Variants in SHC4 observed in about 807,000 individuals in gnomAD.
The protein encoded by SHC4 is SHC adaptor protein 4.
In SHC4, 41 loss-of-function variants were observed where a neutral mutation model predicts 69.4. The observed-to-expected ratio is 0.59, with a 90% CI of 0.46 to 0.77. The LOEUF is 0.77. Among genes scored for constraint, SHC4 ranks in the 30% least tolerant of loss-of-function variants. SHC4 has a pLI of 0.00. For missense variants in SHC4, 777 were observed against 783.8 expected, an observed-to-expected ratio of 0.99 and a Z score of 0.10; for synonymous variants, 318 against 299.3, an observed-to-expected ratio of 1.06 and a Z score of -0.64.
rs1057074703 is a variant in SHC4, at chr15:48,930,272, ATAAG to A, written c.586-5327_586-5324del. Among the ~76,000 whole-genome samples, 4 of 152,254 alleles carry A rather than the reference ATAAG, an allele frequency of 2.6e-5. No homozygotes were observed. In the East Asian group the frequency reaches 5.8e-4, roughly 22 times the overall value. Reference sequence around the variant, plus strand: ...AGTGTAAACATATTTATTTTTAAAAATAAGTAGTAGTATTAGTTTAGATTTGAAA... The same window carrying A: ...AGTGTAAACATATTTATTTTTAAAAATAGTAGTATTAGTTTAGATTTGAAA... On this transcript the variant is annotated intron_variant, in intron 1 of 11. Coordinates refer to ENST00000332408, the MANE Select transcript of SHC4 (RefSeq NM_203349.4).
At chr15:48,915,745 A>G (rs1900608012) in intron 2 of SHC4, among the ~76,000 whole-genome samples, 1 of 152,206 alleles carries the variant, frequency 6.6e-6, no homozygotes, top group Non-Finnish European at 1.5e-5. Context: ...TGTTTTAATC[A>G]ACCGTGGGCA....
intron 6 of SHC4, 43 bp downstream of exon 6, chr15:48,867,774 GT>G: frequency 6.5e-7 from 1 of 1,536,992 alleles, no homozygotes; most frequent in Non-Finnish European, 9.0e-7. Flanking sequence ...TTTAGAGTTG[GT>G]ATATACCAGC....
At chr15:48,881,307 A>T (rs1283067126) in intron 4 of SHC4, among the ~76,000 whole-genome samples, 3 of 151,772 alleles carry the variant, frequency 2.0e-5, no homozygotes, top group Non-Finnish European at 4.4e-5. Flanking sequence ...TTATTTTTTT[A>T]AAGTAAAAGA....
rs1428356801 is a variant in SHC4, at chr15:48,962,902, G to A, written c.114C>T (p.Ile38=). Reference sequence around the variant, plus strand: ...CGGAGCTACCTTCGTCCAAGGACGTGATCGACTCGTTCCGAAAGCGGCTGT... The same window carrying A: ...CGGAGCTACCTTCGTCCAAGGACGTAATCGACTCGTTCCGAAAGCGGCTGT... ...AKYSRFRNES[I]TSLDEGSSGG... The change falls in exon 1 of 12, where the codon ATC becomes ATT. Residue 38 remains isoleucine (I), a synonymous_variant. Transcript: ENST00000332408. The A allele has an allele frequency of 3.1e-6, 5 of 1,613,394 alleles. No individual in the cohort carries two copies. The South Asian group carries it at 3.3e-5, about 11-fold the overall frequency.
At chr15:48,957,599 G>C (rs777541961) in intron 1 of SHC4, among the ~76,000 whole-genome samples, 26 of 152,142 alleles carry the variant, frequency 1.7e-4, no homozygotes, top group Non-Finnish European at 3.5e-4. Flanking sequence ...ATTTCTATTT[G>C]CACACAAAGC....
intron 2 of SHC4, 24 bp downstream of exon 2, chr15:48,924,855 C>A: frequency 6.2e-7 from 1 of 1,612,122 alleles, no homozygotes; most frequent in South Asian, 1.1e-5. Context: ...CTCCTCAAAG[C>A]CCCTCCCATT....
intron 2 of SHC4, among the ~76,000 whole-genome samples, chr15:48,918,135 T>C (rs1380009288): frequency 6.6e-6 from 1 of 152,188 alleles, no homozygotes; most frequent in Non-Finnish European, 1.5e-5. Context: ...CAAAATACAG[T>C]TTTTTCTTGT....
At chr15:48,921,227 T>C (rs1900745349) in intron 2 of SHC4, among the ~76,000 whole-genome samples, 1 of 152,088 alleles carries the variant, frequency 6.6e-6, no homozygotes, top group Non-Finnish European at 1.5e-5. Flanking sequence ...AAATACTGTA[T>C]GTTTCCACTT....
Position 48,861,798 on chromosome 15 carries a change from C to T in SHC4, c.947-3983G>A, listed in dbSNP as rs1050421893. Reference sequence around the variant, plus strand: ...AGTACTAAACTAAGATTCAAAAGAACCTGAGATACATATTCATCTGTCTTT... The same window carrying T: ...AGTACTAAACTAAGATTCAAAAGAATCTGAGATACATATTCATCTGTCTTT... On this transcript the variant is annotated intron_variant, in intron 6 of 11. Coordinates refer to ENST00000332408, the MANE Select transcript of SHC4 (RefSeq NM_203349.4). Among the ~76,000 whole-genome samples, 4 of 152,180 alleles carry T rather than the reference C, an allele frequency of 2.6e-5. No individual in the cohort carries two copies. The East Asian group carries it at 5.8e-4, about 22-fold the overall frequency.
intron 2 of SHC4, among the ~76,000 whole-genome samples, chr15:48,895,087 G>A (rs1007411658): frequency 1.3e-5 from 2 of 152,094 alleles, no homozygotes; most frequent in South Asian, 2.1e-4. Flanking sequence ...TTAGAGGTGT[G>A]AGCCACAGCT....
intron 1 of SHC4, among the ~76,000 whole-genome samples, chr15:48,949,751 T>TATA (rs1901334798): frequency 6.7e-6 from 1 of 149,756 alleles, no homozygotes; most frequent in Admixed American, 6.7e-5. Flanking sequence ...TTCCCTCATC[T>TATA]ACAATACCTT....
At chr15:48,861,400 T>C (rs1167659381) in intron 6 of SHC4, among the ~76,000 whole-genome samples, 1 of 152,220 alleles carries the variant, frequency 6.6e-6, no homozygotes, top group Admixed American at 6.5e-5. Context: ...CACATGTACT[T>C]TCACAGTTCC....
chr15:48,880,995 T>A (rs930073906), intron 4 of SHC4, among the ~76,000 whole-genome samples: 4 of 123,690 alleles, frequency 3.2e-5, no homozygotes, highest in South Asian at 2.4e-4. Flanking sequence ...AGTGTGTGTG[T>A]GTGTGTGTGT....
chr15:48,828,365 A>G (rs532070333), intron 11 of SHC4, among the ~76,000 whole-genome samples: 1 of 152,282 alleles, frequency 6.6e-6, no homozygotes, highest in East Asian at 1.9e-4. Flanking sequence ...ATGGTGTTCC[A>G]CTATATGGAT....
intron 2 of SHC4, among the ~76,000 whole-genome samples, chr15:48,898,167 T>C (rs972202493): frequency 7.9e-5 from 12 of 152,224 alleles, no homozygotes; most frequent in Non-Finnish European, 1.8e-4. Flanking sequence ...CAGTGATCTA[T>C]GTGTTCAATT....
chr15:48,963,064 G>A lies in SHC4; in HGVS notation c.-49C>T, dbSNP rs767240398. 9.8e-6 allele frequency: 15 copies of A among 1,538,156 alleles called. No homozygotes were observed. Among genetic ancestry groups the A allele is most frequent in the Non-Finnish European group, 1.2e-5 (14 of 1,138,410 alleles). On this transcript the variant is annotated 5_prime_UTR_variant, in exon 1 of 12. The change creates a new upstream start codon in the 5' untranslated region. Coordinates refer to ENST00000332408, the MANE Select transcript of SHC4 (RefSeq NM_203349.4). ...ATACTGTTGCATAAATCGCCTCGTCGTCTGGTAGATAAACGGTGCAGACAT... is the reference window on the plus strand; with the variant it reads ...ATACTGTTGCATAAATCGCCTCGTCATCTGGTAGATAAACGGTGCAGACAT...
intron 4 of SHC4, among the ~76,000 whole-genome samples, chr15:48,880,690 T>TGGC (rs1899923154): frequency 6.6e-6 from 1 of 152,138 alleles, no homozygotes; most frequent in Non-Finnish European, 1.5e-5. Context: ...TTGGTTGTTT[T>TGGC]TCAGTCTTAA....
intron 3 of SHC4, among the ~76,000 whole-genome samples, chr15:48,887,171 A>T (rs1900050554): frequency 6.6e-6 from 1 of 152,162 alleles, no homozygotes; most frequent in Non-Finnish European, 1.5e-5. Context: ...ACTGCTAATG[A>T]TGCAGTATCT....
At chr15:48,873,364 T>C (rs1899726809) in intron 4 of SHC4, among the ~76,000 whole-genome samples, 1 of 152,346 alleles carries the variant, frequency 6.6e-6, no homozygotes, top group East Asian at 1.9e-4. Flanking sequence ...TGATAATTAT[T>C]ACGGACTTAT....
Sources: allele counts gnomAD v4.1 joint callset (sites outside exome capture counted in the v4.1 genomes callset), GRCh38; gene constraint gnomAD v4.1.1; transcripts MANE v1.5; gene names NCBI Gene and HGNC (gene_info 2026-07-23, HGNC 2026-07-21).